The following TENM4 variants were observed in gnomAD, a reference collection of about 807,000 sequenced individuals.
The protein encoded by TENM4 is teneurin transmembrane protein 4.
TENM4 carries 82 observed loss-of-function variants against 243.3 expected under a neutral mutation model. The observed-to-expected ratio is 0.34, with a 90% CI of 0.28 to 0.40. The LOEUF (loss-of-function observed/expected upper bound fraction) is 0.40, where lower values mean the gene tolerates loss of function less well. Among genes scored for constraint, TENM4 ranks in the 10% least tolerant of loss-of-function variants. The pLI, the probability that TENM4 is intolerant of heterozygous loss-of-function variation, is 1.00. For synonymous variants in TENM4, 1,412 were observed against 1,456.3 expected (o/e 0.97, Z 0.69); for missense variants, 3,138 against 3,673.3 (o/e 0.85, Z 3.77).
chr11:78,654,537 A>AAAG lies in TENM4; in HGVS notation c.*3520_*3521insCTT, dbSNP rs1459435447. 6.6e-6 allele frequency: 1 copy of AAAG among 152,230 alleles called. No individual in the cohort carries two copies. Among genetic ancestry groups the AAAG allele is most frequent in the Non-Finnish European group, 1.5e-5 (1 of 68,054 alleles). 9.4% of individuals were successfully genotyped at this position (152,230 alleles called of 1,614,324 possible). On this transcript the variant is annotated 3_prime_UTR_variant, in exon 34 of 34. Coordinates refer to ENST00000278550, the MANE Select transcript of TENM4 (RefSeq NM_001098816.3). ...ATTCTTTGTTCTGTGTCTACAAAAC[A>AAAG]CTGCCCAGTCTGCCTTGCCATCATC...
At chr11:78,847,240 C>A (rs1249159357) in intron 12 of TENM4, among the ~76,000 whole-genome samples, 1 of 152,194 alleles carries the variant, frequency 6.6e-6, no homozygotes, top group Non-Finnish European at 1.5e-5. Context: ...CTAAGTATTT[C>A]CCACAGAAAG....
chr11:78,770,866 C>T, intron 18 of TENM4, 126 bp downstream of exon 18: 1 of 1,313,988 alleles, frequency 7.6e-7, no homozygotes, highest in Non-Finnish European at 1.0e-6. Context: ...TTTTTGCTTG[C>T]CCCGCAGGTC....
At chr11:79,192,861 A>G (rs1421097771) in intron 3 of TENM4, among the ~76,000 whole-genome samples, 2 of 152,242 alleles carry the variant, frequency 1.3e-5, no homozygotes, top group Non-Finnish European at 2.9e-5. Flanking sequence ...TATTTTCCCT[A>G]CAGGGATTGT....
chr11:78,937,901 GC>G (rs1856819972), intron 6 of TENM4, among the ~76,000 whole-genome samples: 1 of 152,102 alleles, frequency 6.6e-6, no homozygotes, highest in Non-Finnish European at 1.5e-5. Context: ...AATGAGTATT[GC>G]CCAATTCTAG....
intron 1 of TENM4, among the ~76,000 whole-genome samples, chr11:79,345,221 G>A (rs550277853): frequency 1.3e-5 from 2 of 152,274 alleles, no homozygotes; most frequent in Middle Eastern, 3.4e-3. Context: ...CAAGAAACAC[G>A]GGTGGATTTC....
At chr11:78,838,973 A>T (rs944367031) in intron 12 of TENM4, among the ~76,000 whole-genome samples, 3 of 152,192 alleles carry the variant, frequency 2.0e-5, no homozygotes, top group African/African-American at 7.2e-5. Flanking sequence ...CTTCTCCATT[A>T]ATTTGTAATT....
intron 1 of TENM4, among the ~76,000 whole-genome samples, chr11:79,366,940 G>A (rs867965316): frequency 1.3e-5 from 2 of 152,158 alleles, no homozygotes; most frequent in South Asian, 2.1e-4. Context: ...CCCATTCACA[G>A]CTCCCATTTG....
chr11:79,297,439 G>C (rs757926657), intron 2 of TENM4, 49 bp downstream of exon 2: 1 of 152,654 alleles, frequency 6.6e-6, no homozygotes, highest in Admixed American at 6.5e-5. Context: ...AGGTTGTGCA[G>C]ACTAGAAGCA....
intron 1 of TENM4, among the ~76,000 whole-genome samples, chr11:79,326,510 C>T (rs946143259): frequency 6.6e-6 from 1 of 152,236 alleles, no homozygotes; most frequent in Non-Finnish European, 1.5e-5. Flanking sequence ...GCTCCTCACT[C>T]ATTTGTCTCT....
chr11:79,047,493 G>A (rs1461978511), intron 6 of TENM4, among the ~76,000 whole-genome samples: 4 of 152,164 alleles, frequency 2.6e-5, no homozygotes, highest in African/African-American at 2.4e-5. Context: ...AGCAGCTCCC[G>A]GGAACCACCA....
chr11:78,959,926 T>A (rs1016800480), intron 6 of TENM4, among the ~76,000 whole-genome samples: 1 of 152,024 alleles, frequency 6.6e-6, no homozygotes, highest in African/African-American at 2.4e-5. Context: ...AGAACATCAT[T>A]ACACATATAC....
chr11:78,925,451 G>A (rs1364637200), intron 6 of TENM4, among the ~76,000 whole-genome samples: 1 of 151,914 alleles, frequency 6.6e-6, no homozygotes, highest in Non-Finnish European at 1.5e-5. Flanking sequence ...GATGATTTTT[G>A]CCCTTCCTTA....
chr11:78,990,956 A>G (rs1858028255), intron 6 of TENM4, among the ~76,000 whole-genome samples: 1 of 152,246 alleles, frequency 6.6e-6, no homozygotes, highest in African/African-American at 2.4e-5. Context: ...AATGTTCTGC[A>G]TCTGAATACT....
At position 78,669,646 on chromosome 11, in the gene TENM4, C is replaced by A. The variant is rs773529137; in HGVS notation, c.6699G>T (p.Arg2233=). 1.9e-6 allele frequency: 3 copies of A among 1,613,986 alleles called. No homozygotes were observed. ...GGATGTCATACCGTAGTGGTGTGAG[C>A]CGTGCACTGTTCCCAGGGCTCAGTA... ...LHLLSPGNSA[R]LTPLRYDIRD... Residue 2233 remains arginine, a synonymous_variant, in exon 32 of 34, where the codon CGG becomes CGT. Coordinates refer to ENST00000278550, the MANE Select transcript of TENM4 (RefSeq NM_001098816.3). This position sits in a 1 kb window ranked among gnomAD's most constrained non-coding sequence, Gnocchi z 6.4.
chr11:79,138,856 C>CATTATATTTATATAAATATAT (rs1565219733), intron 4 of TENM4, among the ~76,000 whole-genome samples: 64 of 94,560 alleles, frequency 6.8e-4, no homozygotes, highest in Middle Eastern at 0.014. Context: ...TATAAATATA[C>CATTATATTTATATAAATATAT]AAAATATACC....
chr11:78,998,808 T>C (rs1858241520), intron 6 of TENM4, among the ~76,000 whole-genome samples: 2 of 152,104 alleles, frequency 1.3e-5, no homozygotes, highest in Admixed American at 1.3e-4. Context: ...CATGAGGTCA[T>C]AGTGGGGCAA....
intron 3 of TENM4, among the ~76,000 whole-genome samples, chr11:79,175,072 C>T (rs1014332957): frequency 2.0e-5 from 3 of 152,092 alleles, no homozygotes; most frequent in Non-Finnish European, 4.4e-5. Flanking sequence ...TCTTTGCTGT[C>T]CCCATCAGAC....
chr11:79,317,683 G>A (rs1856825143), intron 1 of TENM4, among the ~76,000 whole-genome samples: 1 of 152,182 alleles, frequency 6.6e-6, no homozygotes, highest in East Asian at 1.9e-4. Context: ...CTGAACTGCA[G>A]CATGTCTGAC....
chr11:79,026,607 C>G (rs1195444398), intron 6 of TENM4, among the ~76,000 whole-genome samples: 1 of 152,154 alleles, frequency 6.6e-6, no homozygotes, highest in East Asian at 1.9e-4. Context: ...TTTTGAATAT[C>G]TACTTTGGGT....
Sources: gnomAD v4.1 joint callset for allele counts (sites outside exome capture counted in the v4.1 genomes callset) on GRCh38, gnomAD v4.1.1 for gene constraint, Gnocchi (gnomAD v3.1) non-coding constraint, MANE v1.5 for transcripts, NCBI Gene and HGNC (gene_info 2026-07-23, HGNC 2026-07-21) for gene names.